Variants in SLC6A5 observed in about 807,000 individuals in gnomAD.
SLC6A5 encodes the protein solute carrier family 6 member 5, also known as sodium- and chloride-dependent glycine transporter 2.
Under a neutral mutation model 90.5 loss-of-function variants are expected in SLC6A5, and 58 were observed. That is an observed-to-expected ratio of 0.64 (90% confidence interval 0.52 to 0.80). SLC6A5 has a LOEUF of 0.80. Among genes scored for constraint, SLC6A5 ranks in the 30% least tolerant of loss-of-function variants. SLC6A5 has a pLI of 0.00. For missense variants in SLC6A5, 1,015 were observed against 1,017.6 expected, an observed-to-expected ratio of 1.00 and a Z score of 0.03; for synonymous variants, 427 against 401.4, an observed-to-expected ratio of 1.06 and a Z score of -0.76.
intron 7 of SLC6A5, among the ~76,000 whole-genome samples, chr11:20,620,977 A>AT (rs1166922979): frequency 6.6e-6 from 1 of 151,552 alleles, no homozygotes; most frequent in Non-Finnish European, 1.5e-5. Flanking sequence ...TTTTTTTTGT[A>AT]TTTTTAGTAG....
rs557341089 is a variant in SLC6A5, at chr11:20,615,696, T to G, written c.1127+876T>G. On this transcript the variant is annotated intron_variant, in intron 6 of 15. Coordinates refer to ENST00000525748, the MANE Select transcript of SLC6A5 (RefSeq NM_004211.5). ...AATTATGTCTTAAGGGAGATAAATGTAGACAGAGTTCATCATAGGGTACGT... is the reference window on the plus strand; with the variant it reads ...AATTATGTCTTAAGGGAGATAAATGGAGACAGAGTTCATCATAGGGTACGT... 1.1e-4 allele frequency among the ~76,000 whole-genome samples: 17 copies of G among 152,324 alleles called. No individual in the cohort carries two copies. In the South Asian group the frequency reaches 3.5e-3, roughly 32 times the overall value.
At chr11:20,617,465 T>C (rs561463216) in intron 6 of SLC6A5, among the ~76,000 whole-genome samples, 30 of 152,208 alleles carry the variant, frequency 2.0e-4, no homozygotes, top group Non-Finnish European at 3.7e-4. Context: ...ACAATGGAAC[T>C]GACAGCCTTG....
chr11:20,621,132 C>G (rs1852881380), intron 7 of SLC6A5, among the ~76,000 whole-genome samples: 1 of 136,794 alleles, frequency 7.3e-6, no homozygotes, highest in African/African-American at 2.7e-5. Context: ...ACAAGACATT[C>G]TCTCCCAAGA....
At position 20,636,413 on chromosome 11, in the gene SLC6A5, C is replaced by T. The variant is rs769397413; in HGVS notation, c.1731C>T (p.Asp577=). 5.7e-6 allele frequency: 9 copies of T among 1,589,266 alleles called. No individual in the cohort carries two copies. Among genetic ancestry groups the T allele is most frequent in the South Asian group, 3.3e-5 (3 of 90,606 alleles). The change falls in exon 11 of 16, where the codon GAC becomes GAT. Residue 577 remains aspartate, a synonymous_variant. Transcript: ENST00000525748. The stretch of plus-strand genomic sequence containing the variant: ...TGATGCTCCTCACTCTTGGACTTGA[C>T]ACTATGGTGAGCCCCTTTTCCATCA... ...FFLMLLTLGL[D]TMFATIETIV...
Position 20,607,102 on chromosome 11 carries a change from C to A in SLC6A5, c.775C>A (p.Pro259Thr), listed in dbSNP as rs758558488. ...VSLGQFASQG[P>T]VSVWKAIPAL... is the part of the protein sequence containing the mutation. ...GCTGGGCCAGTTTGCCAGCCAGGGA[C>A]CAGTGTCTGTGTGGAAGGCCATCCC... The change falls in exon 4 of 16, where the codon CCA becomes ACA. Residue 259 changes from proline (P) to threonine (T), a missense_variant. Physicochemically the swap from Pro to Thr is conservative, Grantham distance 38 (BLOSUM62 -1). Around this residue, in one of 3 missense-constraint regions of SLC6A5, gnomAD observed 567 missense variants for 507.3 expected, o/e 1.12. Coordinates refer to ENST00000525748, the MANE Select transcript of SLC6A5 (RefSeq NM_004211.5). The A allele has an allele frequency of 1.1e-5, 18 of 1,614,084 alleles. No homozygotes were observed. Among genetic ancestry groups the A allele is most frequent in the Non-Finnish European group, 1.4e-5 (17 of 1,180,024 alleles).
chr11:20,601,338 G>A lies in SLC6A5; in HGVS notation c.213G>A (p.Glu71=), dbSNP rs1229981806. 2.5e-6 allele frequency: 4 copies of A among 1,597,916 alleles called. No individual in the cohort carries two copies. The East Asian group carries it at 6.8e-5, about 27-fold the overall frequency. The change falls in exon 2 of 16, where the codon GAG becomes GAA. Residue 71 remains glutamate, a synonymous_variant. Coordinates refer to ENST00000525748, the MANE Select transcript of SLC6A5 (RefSeq NM_004211.5). ...TFQSADARAC[E]AERPGVGSCK... The stretch of plus-strand genomic sequence containing the variant: ...AGTCAGCGGACGCGCGAGCCTGCGA[G>A]GCTGAGCGGCCAGGAGTGGGGTCTT...
intron 2 of SLC6A5, among the ~76,000 whole-genome samples, chr11:20,603,021 G>A (rs920929404): frequency 1.3e-5 from 2 of 152,210 alleles, no homozygotes; most frequent in African/African-American, 4.8e-5. Flanking sequence ...GAGGATTAGA[G>A]GGAGGATGTT....
In SLC6A5 at chr11:20,599,626, T is replaced by C. The variant is rs147521946; in HGVS notation, c.-47T>C. On this transcript the variant is annotated 5_prime_UTR_variant, in exon 1 of 16. Transcript: ENST00000525748. ...CCTGAGCCAAACCCAGTCTTGTCAATAGCGGGTTTCACCCTCCACCAGTTC... is the reference window on the plus strand; with the variant it reads ...CCTGAGCCAAACCCAGTCTTGTCAACAGCGGGTTTCACCCTCCACCAGTTC... 160 of 1,613,440 alleles carry C rather than the reference T, an allele frequency of 9.9e-5. No individual in the cohort carries two copies. The African/African-American group carries it at 1.8e-3, about 18-fold the overall frequency.
In SLC6A5 at chr11:20,607,558, C is replaced by T. The variant is rs751186957; in HGVS notation, c.891C>T (p.Tyr297=). ...TGATTATTTGCTATACACTTTTCTA[C>T]CTGTTTGCCTCCTTTGTGTCTGTAC... ...YNVIICYTLF[Y]LFASFVSVLP... is the part of the protein sequence containing the mutation. The change falls in exon 5 of 16, where the codon TAC becomes TAT. Residue 297 remains tyrosine, a synonymous_variant. Transcript: ENST00000525748. 2 of 1,613,988 alleles carry T rather than the reference C, an allele frequency of 1.2e-6. No individual in the cohort carries two copies. Among genetic ancestry groups the T allele is most frequent in the East Asian group, 4.5e-5 (2 of 44,882 alleles).
intron 7 of SLC6A5, among the ~76,000 whole-genome samples, chr11:20,619,930 G>A (rs1275575110): frequency 6.6e-6 from 1 of 152,146 alleles, no homozygotes; most frequent in Non-Finnish European, 1.5e-5. Context: ...ACAGGGAGAT[G>A]GGAAATGTTA....
intron 6 of SLC6A5, among the ~76,000 whole-genome samples, chr11:20,615,063 G>T (rs577610171): frequency 6.6e-6 from 1 of 152,306 alleles, no homozygotes; most frequent in East Asian, 1.9e-4. Flanking sequence ...CTGATGAAAA[G>T]CCCATTTCAA....
At chr11:20,654,480 G>A (rs1040800687) in intron 15 of SLC6A5, among the ~76,000 whole-genome samples, 1 of 152,188 alleles carries the variant, frequency 6.6e-6, no homozygotes, top group East Asian at 1.9e-4. Flanking sequence ...ATTGCTTGCA[G>A]GGTGATGTAA....
rs1250911193 is a variant in SLC6A5 at position 20,646,905 on chromosome 11, T to C, written c.2041T>C (p.Trp681Arg). ...GCCTAACATCTTCTGGAAAGTCTGC[T>C]GGGCATTTGTAACCCCAACCATTTT... ...FQPNIFWKVC[W>R]AFVTPTILTF... The change falls in exon 14 of 16, where the codon TGG (tryptophan) becomes CGG (arginine). Residue 681 changes from tryptophan (W) to arginine (R), a missense_variant. By Grantham distance (101) the Trp-to-Arg change is moderately radical. Transcript: ENST00000525748. The C allele has an allele frequency of 1.9e-6, 3 of 1,613,518 alleles. No homozygotes were observed. Among genetic ancestry groups the C allele is most frequent in the Non-Finnish European group, 1.7e-6 (2 of 1,179,468 alleles).
At chr11:20,617,510 C>T (rs1678407983) in intron 6 of SLC6A5, among the ~76,000 whole-genome samples, 1 of 152,214 alleles carries the variant, frequency 6.6e-6, no homozygotes, top group African/African-American at 2.4e-5. Context: ...AGCAGCCTCC[C>T]AGCACGTAAT....
Position 20,636,354 on chromosome 11 carries a change from CCT to C in SLC6A5, c.1680_1681del (p.Pro561ValfsTer16), listed in dbSNP as rs1468013577. 1 of 1,614,024 alleles carries C rather than the reference CCT, an allele frequency of 6.2e-7. No homozygotes were observed. Among genetic ancestry groups the C allele is most frequent in the African/African-American group, 1.3e-5 (1 of 75,034 alleles). ...TTACCCGGAAGCCTTAACCAGGCTG[CCT>C]CTCTCTCCGTTCTGGGCCATCATCT... ...VVYPEALTRL[P>X]LSPFWAIIFF... On this transcript the variant is annotated frameshift_variant, in exon 11 of 16. Transcript: ENST00000525748. LOFTEE classifies it high-confidence loss of function.
intron 7 of SLC6A5, among the ~76,000 whole-genome samples, chr11:20,618,493 C>T (rs545401250): frequency 2.6e-5 from 4 of 152,294 alleles, no homozygotes; most frequent in South Asian, 2.1e-4. Context: ...AGTTAGTGAT[C>T]GCATGGCTGG....
intron 7 of SLC6A5, among the ~76,000 whole-genome samples, chr11:20,623,662 T>TCCCTACTC (rs1474255970): frequency 3.9e-5 from 6 of 152,114 alleles, no homozygotes; most frequent in Non-Finnish European, 7.4e-5. Context: ...AGTCTGCCCC[T>TCCCTACTC]CCCTACTCCC....
chr11:20,647,072 C>G, intron 14 of SLC6A5, 138 bp downstream of exon 14: 1 of 711,702 alleles, frequency 1.4e-6, no homozygotes, highest in East Asian at 2.7e-5. Context: ...GTGGTCTTGT[C>G]TTTCAAATGA....
intron 9 of SLC6A5, 34 bp downstream of exon 9, chr11:20,628,117 T>A (rs370901853): frequency 2.7e-6 from 4 of 1,504,910 alleles, no homozygotes; most frequent in Non-Finnish European, 3.7e-6. Flanking sequence ...TGGGCATAGC[T>A]GGTGAGTGGG....
Sources: allele counts gnomAD v4.1 joint callset (sites outside exome capture counted in the v4.1 genomes callset), GRCh38; gene constraint gnomAD v4.1.1; regional missense constraint gnomAD v4.1.1; transcripts MANE v1.5; gene names NCBI Gene and HGNC (gene_info 2026-07-23, HGNC 2026-07-21).